Variants in ARHGAP22 observed in about 807,000 individuals in gnomAD.
ARHGAP22 encodes rho GTPase-activating protein 22.
In ARHGAP22, 48 loss-of-function variants were observed where a neutral mutation model predicts 59.1. The observed-to-expected ratio is 0.81, with a 90% CI of 0.64 to 1.03. The LOEUF (loss-of-function observed/expected upper bound fraction) is 1.03. ARHGAP22 is among the 50% of genes least tolerant of loss of function. The probability of loss-of-function intolerance (pLI) is 0.00; values close to 1 mark genes in which losing one functional copy is unlikely to be tolerated. For missense variants in ARHGAP22, 1,015 were observed against 958.7 expected (o/e 1.06, Z -0.78); for synonymous variants, 445 against 416.4 (o/e 1.07, Z -0.84).
intron 9 of ARHGAP22, 39 bp from the exon 10 acceptor site, chr10:48,446,658 G>A: frequency 1.3e-6 from 2 of 1,583,606 alleles, no homozygotes; most frequent in South Asian, 1.1e-5. Flanking sequence ...AGACTCTGCG[G>A]GCCAGGTTCA....
At chr10:48,582,869 C>G in intron 2 of ARHGAP22, 84 bp downstream of exon 2, 7 of 1,507,026 alleles carry the variant, frequency 4.6e-6, no homozygotes, top group Non-Finnish European at 6.4e-6. Context: ...GGCTCTGTGC[C>G]TTCCTCCCTT....
At chr10:48,596,424 C>T (rs780246117) in intron 1 of ARHGAP22, among the ~76,000 whole-genome samples, 7 of 148,776 alleles carry the variant, frequency 4.7e-5, no homozygotes, top group African/African-American at 9.9e-5. Flanking sequence ...GTGAGACAGT[C>T]GGGCTTGGGG....
intron 2 of ARHGAP22, among the ~76,000 whole-genome samples, chr10:48,580,307 G>A (rs1165139913): frequency 6.6e-6 from 1 of 152,182 alleles, no homozygotes; most frequent in African/African-American, 2.4e-5. Flanking sequence ...AGGGGAGGGA[G>A]AGGAGTGTCT....
At chr10:48,518,866 T>C (rs1412641783) in intron 3 of ARHGAP22, among the ~76,000 whole-genome samples, 1 of 151,762 alleles carries the variant, frequency 6.6e-6, no homozygotes, top group Non-Finnish European at 1.5e-5. Context: ...ACTTTGGAAA[T>C]AGAACTGGCA....
intron 3 of ARHGAP22, among the ~76,000 whole-genome samples, chr10:48,554,464 G>A (rs1446826164): frequency 6.6e-6 from 1 of 152,152 alleles, no homozygotes; most frequent in Non-Finnish European, 1.5e-5. Context: ...CCACTTCCCA[G>A]GATGTCTAAA....
chr10:48,493,051 C>T (rs146152893), intron 3 of ARHGAP22, among the ~76,000 whole-genome samples: 3 of 152,312 alleles, frequency 2.0e-5, no homozygotes, highest in African/African-American at 4.8e-5. Flanking sequence ...GGACTAGCCA[C>T]GTTTCATGTG....
At chr10:48,569,646 G>A (rs1217541999) in intron 2 of ARHGAP22, among the ~76,000 whole-genome samples, 1 of 152,230 alleles carries the variant, frequency 6.6e-6, no homozygotes, top group South Asian at 2.1e-4. Context: ...TATTATAAGT[G>A]TGAGACCTTT....
At chr10:48,483,846 G>A (rs72783101) in intron 3 of ARHGAP22, among the ~76,000 whole-genome samples, 9,880 of 125,916 alleles carry the variant, frequency 0.078, 391 homozygotes, top group South Asian at 0.14. Flanking sequence ...TCTGCCGATT[G>A]TTTCCTTTGC....
At chr10:48,465,267 G>C (rs1196724493) in intron 4 of ARHGAP22, among the ~76,000 whole-genome samples, 1 of 152,240 alleles carries the variant, frequency 6.6e-6, no homozygotes, top group Non-Finnish European at 1.5e-5. Flanking sequence ...AACTGGCAGA[G>C]GCTGCCTCTC....
At chr10:48,630,683 T>A (rs575161007) in intron 1 of ARHGAP22, among the ~76,000 whole-genome samples, 2 of 152,222 alleles carry the variant, frequency 1.3e-5, no homozygotes, top group South Asian at 4.1e-4. Context: ...GTTGCAAGAG[T>A]TTTTTCCATC....
At chr10:48,582,684 CGTT>C (rs2059190647) in intron 2 of ARHGAP22, 1 of 512,592 alleles carries the variant, frequency 2.0e-6, no homozygotes, top group African/African-American at 1.9e-5. Flanking sequence ...ACATGGAAGA[CGTT>C]GTTTTCTTAA....
intron 9 of ARHGAP22, among the ~76,000 whole-genome samples, chr10:48,448,153 C>T (rs1046209740): frequency 5.3e-5 from 8 of 152,296 alleles, no homozygotes; most frequent in Non-Finnish European, 1.2e-4. Context: ...TTGCCCAGGC[C>T]AAAAGGCCCC....
chr10:48,451,154 A>G lies in ARHGAP22; in HGVS notation c.989-14T>C. On this transcript the variant is annotated splice_polypyrimidine_tract_variant and intron_variant, in intron 8 of 9. Transcript: ENST00000249601. ...CGAGGGAAGTGCCTGCCGGGAAGAG[A>G]GGCGGAGAAGGGCCTTGCTGCCAGC... 6.4e-7 allele frequency: 1 copy of G among 1,550,768 alleles called. No individual in the cohort carries two copies. Among genetic ancestry groups the G allele is most frequent in the Non-Finnish European group, 8.7e-7 (1 of 1,147,072 alleles).
intron 3 of ARHGAP22, among the ~76,000 whole-genome samples, chr10:48,487,925 C>A (rs879580087): frequency 6.6e-5 from 10 of 152,152 alleles, no homozygotes; most frequent in Non-Finnish European, 1.0e-4. Flanking sequence ...AAAAAATTAG[C>A]CAGGCACGGC....
upstream of ARHGAP22, among the ~76,000 whole-genome samples, chr10:48,605,717 A>G (rs964861318): frequency 1.3e-5 from 2 of 152,220 alleles, no homozygotes; most frequent in African/African-American, 2.4e-5. Context: ...GCTATCATTT[A>G]TTAGGCACCT....
intron 3 of ARHGAP22, among the ~76,000 whole-genome samples, chr10:48,517,684 C>T (rs970178219): frequency 6.6e-6 from 1 of 152,044 alleles, no homozygotes; most frequent in Non-Finnish European, 1.5e-5. Flanking sequence ...TATGTGCTGT[C>T]GAGCCCCCAC....
At chr10:48,503,138 C>T (rs973265406) in intron 3 of ARHGAP22, among the ~76,000 whole-genome samples, 2 of 152,144 alleles carry the variant, frequency 1.3e-5, no homozygotes, top group Non-Finnish European at 2.9e-5. Context: ...GAACGTGGTG[C>T]CATCACCAAT....
intron 3 of ARHGAP22, among the ~76,000 whole-genome samples, chr10:48,539,582 C>T (rs957974256): frequency 2.6e-5 from 4 of 152,142 alleles, no homozygotes; most frequent in Admixed American, 6.5e-5. Context: ...TGAGCCACCA[C>T]GCCCGGCCAA....
exon 1 of ARHGAP22, chr10:48,652,508 T>A: frequency 1.7e-6 from 1 of 576,538 alleles, no homozygotes; most frequent in Non-Finnish European, 3.1e-6. Context: ...CATCTAGGGA[T>A]CTTGGAATGG....
Sources: gnomAD v4.1 joint callset for allele counts (sites outside exome capture counted in the v4.1 genomes callset) on GRCh38, gnomAD v4.1.1 for gene constraint, MANE v1.5 for transcripts, NCBI Gene and HGNC (gene_info 2026-07-23, HGNC 2026-07-21) for gene names.